The following NALF1 variants were observed in gnomAD, a reference collection of about 807,000 sequenced individuals.
NALF1 encodes family with sequence similarity 155 member A.
NALF1 carries 3 observed loss-of-function variants against 48.4 expected under a neutral mutation model. The observed-to-expected ratio is 0.06, with a 90% CI of 0.03 to 0.16. NALF1 has a LOEUF of 0.16. Ranked by LOEUF, NALF1 falls within the 10% of genes least tolerant of loss-of-function variation. The pLI, the probability that NALF1 is intolerant of heterozygous loss-of-function variation, is 1.00. For missense variants in NALF1, 526 were observed against 571.5 expected, an observed-to-expected ratio of 0.92 and a Z score of 0.81; for synonymous variants, 262 against 245.7, an observed-to-expected ratio of 1.07 and a Z score of -0.62.
chr13:107,790,785 G>C (rs569488549), intron 1 of NALF1, among the ~76,000 whole-genome samples: 4 of 152,284 alleles, frequency 2.6e-5, no homozygotes, highest in African/African-American at 7.2e-5. Flanking sequence ...TAGAAAATGG[G>C]TGCAGGTTAG....
intron 2 of NALF1, among the ~76,000 whole-genome samples, chr13:107,190,013 A>G (rs948744512): frequency 1.3e-5 from 2 of 152,154 alleles, no homozygotes; most frequent in Admixed American, 6.5e-5. Context: ...AACATTACCT[A>G]TTATGTTCTC....
At chr13:107,463,914 C>A (rs1269041627) in intron 1 of NALF1, among the ~76,000 whole-genome samples, 1 of 152,148 alleles carries the variant, frequency 6.6e-6, no homozygotes, top group Non-Finnish European at 1.5e-5. Flanking sequence ...AGTTCATAAT[C>A]TAGTTTTTAA....
intron 2 of NALF1, among the ~76,000 whole-genome samples, chr13:107,194,376 A>C (rs1409452619): frequency 7.9e-5 from 12 of 152,206 alleles, no homozygotes; most frequent in Non-Finnish European, 1.8e-4. Context: ...AGAAATAGGC[A>C]TGTAGATCAG....
chr13:107,470,259 C>T (rs1031435825), intron 1 of NALF1, among the ~76,000 whole-genome samples: 1 of 152,170 alleles, frequency 6.6e-6, no homozygotes, highest in African/African-American at 2.4e-5. Context: ...CCTTATTTGA[C>T]ACTTTAGTGA....
chr13:107,743,654 A>C (rs572519373), intron 1 of NALF1, among the ~76,000 whole-genome samples: 5 of 152,362 alleles, frequency 3.3e-5, no homozygotes, highest in African/African-American at 1.2e-4. Context: ...GAAGATAGCC[A>C]CGAAGCAATT....
intron 1 of NALF1, among the ~76,000 whole-genome samples, chr13:107,443,602 TTAAAC>T (rs1243151757): frequency 6.6e-6 from 1 of 152,220 alleles, no homozygotes; most frequent in African/African-American, 2.4e-5. Context: ...AACTTTCTCT[TTAAAC>T]TAATTTTTAT....
chr13:107,549,634 AT>A (rs1159351756), intron 1 of NALF1, among the ~76,000 whole-genome samples: 1 of 152,130 alleles, frequency 6.6e-6, no homozygotes, highest in Non-Finnish European at 1.5e-5. Context: ...GTGTATACAT[AT>A]TTTTTGTATA....
At chr13:107,193,635 G>A (rs1879326934) in intron 2 of NALF1, among the ~76,000 whole-genome samples, 1 of 152,052 alleles carries the variant, frequency 6.6e-6, no homozygotes, top group Non-Finnish European at 1.5e-5. Context: ...ATGCAGGAGG[G>A]GCCCCTGACT....
intron 1 of NALF1, among the ~76,000 whole-genome samples, chr13:107,600,148 A>C (rs1348324751): frequency 6.6e-6 from 1 of 152,184 alleles, no homozygotes; most frequent in African/African-American, 2.4e-5. Context: ...TAAGAAAATC[A>C]CCATGGCATT....
At chr13:107,397,564 T>C (rs1253032755) in intron 1 of NALF1, among the ~76,000 whole-genome samples, 1 of 152,186 alleles carries the variant, frequency 6.6e-6, no homozygotes, top group African/African-American at 2.4e-5. Flanking sequence ...TTGTGTCTAC[T>C]GTGCTCCACA....
At chr13:107,669,266 G>A (rs929434776) in intron 1 of NALF1, among the ~76,000 whole-genome samples, 6 of 152,030 alleles carry the variant, frequency 3.9e-5, no homozygotes, top group Non-Finnish European at 7.4e-5. Flanking sequence ...TTTTGCATAT[G>A]AAAACACTTT....
At chr13:107,260,432 T>C (rs1439404945) in intron 1 of NALF1, among the ~76,000 whole-genome samples, 1 of 152,204 alleles carries the variant, frequency 6.6e-6, no homozygotes, top group Non-Finnish European at 1.5e-5. Flanking sequence ...GATTATTTGA[T>C]ATGGGCAATG....
Position 107,362,410 on chromosome 13 carries a change from C to T in NALF1, c.916-151655G>A, listed in dbSNP as rs1028735473. Among the ~76,000 whole-genome samples the T allele has an allele frequency of 6.6e-6, 1 of 152,156 alleles. No individual in the cohort carries two copies. Among genetic ancestry groups the T allele is most frequent in the Non-Finnish European group, 1.5e-5 (1 of 68,040 alleles). On this transcript the variant is annotated intron_variant, in intron 1 of 2. Transcript: ENST00000375915. The surrounding 1 kb of genome is among the most constrained non-coding windows in gnomAD (Gnocchi z 4.6). ...GCTTCCTCTGAAACCTGTAGAGTAGCATCTTCGCTTGCCTCCTCCTGACTT... is the reference window on the plus strand; with the variant it reads ...GCTTCCTCTGAAACCTGTAGAGTAGTATCTTCGCTTGCCTCCTCCTGACTT...
intron 1 of NALF1, among the ~76,000 whole-genome samples, chr13:107,661,529 C>A (rs563656658): frequency 6.6e-6 from 1 of 151,766 alleles, no homozygotes; most frequent in African/African-American, 2.4e-5. Context: ...GCACAGGTAA[C>A]TAAATATGAA....
At position 107,866,569 on chromosome 13, in the gene NALF1, G is replaced by T. The variant is rs1309378280; in HGVS notation, c.28C>A (p.Gln10Lys). The T allele has an allele frequency of 1.2e-6, 2 of 1,610,534 alleles. No individual in the cohort carries two copies. The highest frequency in any genetic ancestry group is 1.7e-6 in the Non-Finnish European group (2 of 1,179,758). The change falls in exon 1 of 3, where the codon CAG (glutamine) becomes AAG (lysine). Residue 10 changes from glutamine (Q) to lysine (K), a missense_variant. Gln to Lys is a moderately conservative substitution (Grantham distance 53). This residue lies in a region of NALF1 where 373 missense variants were observed against 355.5 expected (regional missense o/e 1.05). Transcript: ENST00000375915. This position sits in a 1 kb window ranked among gnomAD's most constrained non-coding sequence, Gnocchi z 4.4. Reference protein sequence around the residue: MTRGAWMCRQYDDGLKIWLA... With the variant: MTRGAWMCRKYDDGLKIWLA... ...CAGATTTTTAAGCCGTCGTCATACTGCCGACACATCCAAGCACCCCTGGTC... is the reference window on the plus strand; with the variant it reads ...CAGATTTTTAAGCCGTCGTCATACTTCCGACACATCCAAGCACCCCTGGTC...
At chr13:107,454,441 G>C (rs998597106) in intron 1 of NALF1, among the ~76,000 whole-genome samples, 3 of 152,164 alleles carry the variant, frequency 2.0e-5, no homozygotes, top group Non-Finnish European at 4.4e-5. Flanking sequence ...AAGTGGGAAA[G>C]AGCCCCTTAT....
At chr13:107,653,187 TACC>T (rs1420422647) in intron 1 of NALF1, among the ~76,000 whole-genome samples, 1 of 151,666 alleles carries the variant, frequency 6.6e-6, no homozygotes, top group African/African-American at 2.4e-5. Context: ...TGCTTTATTT[TACC>T]ACATTAAATT....
intron 1 of NALF1, among the ~76,000 whole-genome samples, chr13:107,374,066 T>G (rs545463403): frequency 6.6e-6 from 1 of 152,358 alleles, no homozygotes; most frequent in African/African-American, 2.4e-5. Context: ...TTCTCTGAAT[T>G]TTCCAATGAT....
intron 1 of NALF1, among the ~76,000 whole-genome samples, chr13:107,422,076 T>C (rs1045959659): frequency 2.6e-5 from 4 of 152,132 alleles, no homozygotes; most frequent in Non-Finnish European, 5.9e-5. Flanking sequence ...CCAGGTACTT[T>C]ATAGATCACT....
Sources: allele counts gnomAD v4.1 joint callset (sites outside exome capture counted in the v4.1 genomes callset), GRCh38; gene constraint gnomAD v4.1.1; regional missense constraint gnomAD v4.1.1; non-coding constraint Gnocchi (gnomAD v3.1); transcripts MANE v1.5; gene names NCBI Gene and HGNC (gene_info 2026-07-23, HGNC 2026-07-21).